The following ECPAS variants were observed in gnomAD, a reference collection of about 807,000 sequenced individuals.
ECPAS encodes the protein Ecm29 proteasome adaptor and scaffold, also known as proteasome adapter and scaffold protein ECM29.
ECPAS carries 70 observed loss-of-function variants against 255.1 expected under a neutral mutation model. The ratio of observed to expected loss-of-function variants is 0.27; its 90% CI spans 0.23 to 0.33. The LOEUF (loss-of-function observed/expected upper bound fraction) is 0.33, where lower values mean the gene tolerates loss of function less well. ECPAS is among the 10% of genes least tolerant of loss of function. The pLI, the probability that ECPAS is intolerant of heterozygous loss-of-function variation, is 1.00. For missense variants in ECPAS, 1,817 were observed against 2,206.4 expected, an observed-to-expected ratio of 0.82 and a Z score of 3.54; for synonymous variants, 784 against 775.0, an observed-to-expected ratio of 1.01 and a Z score of -0.19.
At chr9:111,403,170 T>C (rs2098178728) in intron 24 of ECPAS, among the ~76,000 whole-genome samples, 2 of 142,344 alleles carry the variant, frequency 1.4e-5, no homozygotes, top group Admixed American at 1.4e-4. Flanking sequence ...CTGGCCAACA[T>C]GGCAAAACCC....
At chr9:111,472,159 G>T (rs1168645235) in intron 2 of ECPAS, among the ~76,000 whole-genome samples, 1 of 151,950 alleles carries the variant, frequency 6.6e-6, no homozygotes, top group Non-Finnish European at 1.5e-5. Context: ...GAGGTGGGAG[G>T]ATCGCCTGAG....
At position 111,469,369 on chromosome 9, in the gene ECPAS, C is replaced by A. The variant is rs933606635; in HGVS notation, c.22+3528G>T. On this transcript the variant is annotated intron_variant, in intron 2 of 49. Coordinates refer to ENST00000684092, the MANE Select transcript of ECPAS (RefSeq NM_001364929.1). ...CCAACATGGTGAAACCCTGTCTATA[C>A]TAAACATACAAAAAATTAGCTGGGC... 3.2e-4 allele frequency among the ~76,000 whole-genome samples: 49 copies of A among 151,878 alleles called. 2 individuals are homozygous for A. The highest frequency in any genetic ancestry group is 4.4e-5 in the Non-Finnish European group (3 of 67,998).
intron 37 of ECPAS, 50 bp downstream of exon 37, chr9:111,376,426 C>T: frequency 7.1e-7 from 1 of 1,410,750 alleles, no homozygotes; most frequent in Non-Finnish European, 9.8e-7. Context: ...TGAAGAATTA[C>T]ACTTTCAGGT....
chr9:111,459,189 T>C (rs775422722), intron 2 of ECPAS, among the ~76,000 whole-genome samples: 2 of 152,174 alleles, frequency 1.3e-5, no homozygotes, highest in Non-Finnish European at 2.9e-5. Context: ...GAATACATTA[T>C]TCCTTTAATT....
chr9:111,389,851 T>C, intron 30 of ECPAS, 128 bp from the exon 31 acceptor site: 1 of 1,183,878 alleles, frequency 8.4e-7, no homozygotes, highest in Non-Finnish European at 1.2e-6. Flanking sequence ...TCAACAGCAT[T>C]TGTGGGGTTC....
intron 2 of ECPAS, among the ~76,000 whole-genome samples, chr9:111,471,428 A>C (rs2098287967): frequency 6.6e-6 from 1 of 152,208 alleles, no homozygotes; most frequent in Non-Finnish European, 1.5e-5. Context: ...ATTTCACCTA[A>C]ATGAATAAGA....
intron 20 of ECPAS, 124 bp from the exon 21 acceptor site, chr9:111,412,272 T>C (rs2098195902): frequency 1.2e-6 from 1 of 849,382 alleles, no homozygotes; most frequent in Non-Finnish European, 1.6e-6. Flanking sequence ...AACAAGCCAT[T>C]ATTTGAAAAC....
chr9:111,447,497 G>A (rs1012848825), intron 3 of ECPAS, among the ~76,000 whole-genome samples: 1 of 151,980 alleles, frequency 6.6e-6, no homozygotes, highest in South Asian at 2.1e-4. Flanking sequence ...TCCTAAATAT[G>A]GTTATATCTT....
chr9:111,420,751 T>C (rs2098212310), intron 15 of ECPAS, among the ~76,000 whole-genome samples: 1 of 152,188 alleles, frequency 6.6e-6, no homozygotes, highest in African/African-American at 2.4e-5. Flanking sequence ...GTCACTCCTC[T>C]AGCCACAAAC....
At chr9:111,372,340 T>A in intron 42 of ECPAS, 89 bp downstream of exon 42, 1 of 1,219,140 alleles carries the variant, frequency 8.2e-7, no homozygotes, top group Non-Finnish European at 1.2e-6. Flanking sequence ...GGAAAGTAAC[T>A]TCAGAGGAGT....
At chr9:111,387,436 G>A (rs368529080) in intron 31 of ECPAS, among the ~76,000 whole-genome samples, 6 of 151,928 alleles carry the variant, frequency 3.9e-5, no homozygotes, top group African/African-American at 9.7e-5. Flanking sequence ...CATCGTCAGT[G>A]CAGTTATTGA....
chr9:111,373,651 A>G (rs1243456042), intron 39 of ECPAS, among the ~76,000 whole-genome samples: 1 of 152,252 alleles, frequency 6.6e-6, no homozygotes, highest in Non-Finnish European at 1.5e-5. Flanking sequence ...ACACTAGTCC[A>G]GTCTAGAAGC....
intron 2 of ECPAS, among the ~76,000 whole-genome samples, chr9:111,459,997 A>C (rs1384666655): frequency 6.6e-6 from 1 of 152,226 alleles, no homozygotes; most frequent in African/African-American, 2.4e-5. Context: ...AGATAAAAGC[A>C]AATAAAAGAT....
At chr9:111,389,457 TA>T in intron 31 of ECPAS, 98 bp downstream of exon 31, 1 of 1,096,346 alleles carries the variant, frequency 9.1e-7, no homozygotes, top group Non-Finnish European at 1.3e-6. Flanking sequence ...CAAGTAAACA[TA>T]AAAAGTAGAA....
intron 6 of ECPAS, among the ~76,000 whole-genome samples, chr9:111,438,840 A>G (rs1047106737): frequency 3.9e-5 from 6 of 152,246 alleles, no homozygotes; most frequent in African/African-American, 1.4e-4. Context: ...GGAGGAGAAC[A>G]AATTTGTTCA....
chr9:111,412,967 T>G (rs1214394686), intron 20 of ECPAS, among the ~76,000 whole-genome samples: 1 of 151,934 alleles, frequency 6.6e-6, no homozygotes, highest in African/African-American at 2.4e-5. Context: ...AAAAAAAAAA[T>G]TATTCATTAT....
At chr9:111,397,443 A>G (rs1480478890) in intron 24 of ECPAS, among the ~76,000 whole-genome samples, 1 of 152,208 alleles carries the variant, frequency 6.6e-6, no homozygotes, top group Non-Finnish European at 1.5e-5. Flanking sequence ...TGGTTCACCT[A>G]AGGAAGACAG....
chr9:111,444,742 G>A (rs1208028025), intron 3 of ECPAS, among the ~76,000 whole-genome samples: 1 of 152,100 alleles, frequency 6.6e-6, no homozygotes, highest in Non-Finnish European at 1.5e-5. Context: ...ACGGAGTCTT[G>A]CTCTGTCGTG....
intron 12 of ECPAS, among the ~76,000 whole-genome samples, chr9:111,424,610 A>G (rs1325713577): frequency 6.6e-6 from 1 of 152,204 alleles, no homozygotes; most frequent in Non-Finnish European, 1.5e-5. Context: ...AGGAATCCTC[A>G]TCCCATTTAG....
Sources: allele counts gnomAD v4.1 joint callset (sites outside exome capture counted in the v4.1 genomes callset), GRCh38; gene constraint gnomAD v4.1.1; transcripts MANE v1.5; gene names NCBI Gene and HGNC (gene_info 2026-07-23, HGNC 2026-07-21).